The following RAB8A variants were observed in gnomAD, a reference collection of about 807,000 sequenced individuals.
The protein encoded by RAB8A is ras-related protein Rab-8A.
A neutral mutation model predicts 29.2 loss-of-function variants in RAB8A; 5 were observed. The ratio of observed to expected loss-of-function variants is 0.17; its 90% confidence interval spans 0.09 to 0.36. The LOEUF (loss-of-function observed/expected upper bound fraction) is 0.36. Among genes scored for constraint, RAB8A ranks in the 10% least tolerant of loss-of-function variants. The probability of loss-of-function intolerance (pLI) is 1.00; values close to 1 mark genes in which losing one functional copy is unlikely to be tolerated. For synonymous variants in RAB8A, 108 were observed against 99.9 expected, an observed-to-expected ratio of 1.08 and a Z score of -0.49; for missense variants, 171 against 272.2, an observed-to-expected ratio of 0.63 and a Z score of 2.62.
rs762022475 is a variant in RAB8A, at chr19:16,127,990, C to T, written c.415-36C>T. On this transcript the variant is annotated intron_variant, in intron 5 of 7. Coordinates refer to ENST00000300935, the MANE Select transcript of RAB8A (RefSeq NM_005370.5). The surrounding 1 kb of genome is among the most constrained non-coding windows in gnomAD (Gnocchi z 4.8). ...AGGCAAGCTCAGATGCGCCCGGCGGCTGGTGTGCTCATGCGTGTGCCTCCC... is the reference window on the plus strand; with the variant it reads ...AGGCAAGCTCAGATGCGCCCGGCGGTTGGTGTGCTCATGCGTGTGCCTCCC... 1.2e-6 allele frequency: 2 copies of T among 1,609,250 alleles called. No homozygotes were observed. Among genetic ancestry groups the T allele is most frequent in the South Asian group, 1.1e-5 (1 of 90,974 alleles).
At position 16,131,321 on chromosome 19, in the gene RAB8A, T is replaced by C. The variant is rs79829808; in HGVS notation, c.532-891T>C. ...AGATCTGTTTCTGAAAAACGAATTA[T>C]CAGTTGTAAGAGAATTGGATGGATG... is the stretch of plus-strand genomic sequence containing the variant. On this transcript the variant is annotated intron_variant, in intron 7 of 7. Coordinates refer to ENST00000300935, the MANE Select transcript of RAB8A (RefSeq NM_005370.5). Among the ~76,000 whole-genome samples, 326 of 152,270 alleles carry C rather than the reference T, an allele frequency of 2.1e-3. 3 individuals carry two copies. The highest frequency in any genetic ancestry group is 0.013 in the Admixed American group (195 of 15,294).
In RAB8A at chr19:16,121,743, T is replaced by C. The variant is rs1046052541; in HGVS notation, c.186-7T>C. ...ATGTTGCTAATATCCCTTCTCTTCA[T>C]GTTTAGGGACACAGCCGGTCAGGAA... On this transcript the variant is annotated splice_polypyrimidine_tract_variant and splice_region_variant and intron_variant, in intron 2 of 7. Transcript: ENST00000300935. 9 of 1,612,958 alleles carry C rather than the reference T, an allele frequency of 5.6e-6. 1 individual carries two copies. In the African/African-American group the frequency reaches 1.1e-4, roughly 19 times the overall value.
intron 6 of RAB8A, 126 bp from the exon 7 acceptor site, chr19:16,129,428 C>T (rs1023584881): frequency 2.4e-5 from 20 of 841,164 alleles, no homozygotes; most frequent in African/African-American, 1.0e-4. Flanking sequence ...CTGCCAGAGG[C>T]GGGCATCAAA....
intron 6 of RAB8A, among the ~76,000 whole-genome samples, chr19:16,128,433 C>T (rs374305448): frequency 1.7e-3 from 258 of 152,300 alleles, no homozygotes; most frequent in African/African-American, 5.7e-3. Flanking sequence ...CCACACCACT[C>T]ACCCTGGAGA....
chr19:16,127,548 G>T lies in RAB8A; in HGVS notation c.414+22G>T. The T allele has an allele frequency of 2.0e-6, 3 of 1,487,656 alleles. No individual in the cohort carries two copies. The highest frequency in any genetic ancestry group is 2.7e-6 in the Non-Finnish European group (3 of 1,112,334). 92.2% of individuals were successfully genotyped at this position (1,487,656 alleles called of 1,614,324 possible). On this transcript the variant is annotated intron_variant, in intron 5 of 7. Coordinates refer to ENST00000300935, the MANE Select transcript of RAB8A (RefSeq NM_005370.5). The surrounding 1 kb of genome is among the most constrained non-coding windows in gnomAD (Gnocchi z 4.8). ...AAAGGTGGGCATGGTGGCACAAGGG[G>T]CAGAGGGCCTCGGGGTCTTGGGGTT...
chr19:16,127,517 G>T lies in RAB8A; in HGVS notation c.405G>T (p.Arg135=). The T allele has an allele frequency of 6.5e-7, 1 of 1,536,596 alleles. No individual in the cohort carries two copies. Among genetic ancestry groups the T allele is most frequent in the Non-Finnish European group, 8.7e-7 (1 of 1,145,728 alleles). The change falls in exon 5 of 8, where the codon CGG becomes CGT. Residue 135 remains arginine, a synonymous_variant. Coordinates refer to ENST00000300935, the MANE Select transcript of RAB8A (RefSeq NM_005370.5). This position sits in a 1 kb window ranked among gnomAD's most constrained non-coding sequence, Gnocchi z 4.8. ...VNDKRQVSKE[R]GEKLALDYGI... ...ACAAGAGACAAGTTTCCAAGGAACG[G>T]GGAGAAAAGGTGGGCATGGTGGCAC...
intron 7 of RAB8A, among the ~76,000 whole-genome samples, chr19:16,130,564 C>T (rs2090920589): frequency 6.6e-6 from 1 of 152,122 alleles, no homozygotes; most frequent in Non-Finnish European, 1.5e-5. Flanking sequence ...GTGCACTGAC[C>T]AACAATAATT....
At chr19:16,116,534 C>A (rs115497746) in intron 1 of RAB8A, among the ~76,000 whole-genome samples, 2,011 of 152,270 alleles carry the variant, frequency 0.013, 47 homozygotes, top group African/African-American at 0.044. Context: ...CAAAAAGACA[C>A]CAACCCAAGG....
chr19:16,129,511 G>T, intron 6 of RAB8A, 43 bp from the exon 7 acceptor site: 1 of 1,602,610 alleles, frequency 6.2e-7, no homozygotes, highest in Non-Finnish European at 8.5e-7. Flanking sequence ...TGAGGACTCA[G>T]GGTCCTGCCA....
intron 1 of RAB8A, among the ~76,000 whole-genome samples, chr19:16,113,908 A>T (rs924813015): frequency 1.3e-5 from 2 of 152,108 alleles, no homozygotes; most frequent in African/African-American, 4.8e-5. Context: ...AGGGGTTGTC[A>T]CCACAACCAG....
Position 16,122,159 on chromosome 19 carries a change from C to T in RAB8A, c.246+349C>T, listed in dbSNP as rs1287040292. ...GCTGTCACATGACCTGCATCTGTCT[C>T]TGAAATTTGCTACCAAAAGCTTGAA... On this transcript the variant is annotated intron_variant, in intron 3 of 7. Transcript: ENST00000300935. The surrounding 1 kb of genome is among the most constrained non-coding windows in gnomAD (Gnocchi z 4.7). 4.7e-6 allele frequency: 1 copy of T among 211,222 alleles called. No individual in the cohort carries two copies. The highest frequency in any genetic ancestry group is 1.0e-4 in the East Asian group (1 of 9,754). The allele number at this position is 211,222 out of a possible 1,614,324, so 13.1% of individuals were successfully genotyped here. A position where few individuals can be genotyped will look rare whatever the true frequency, so the allele number is the denominator to read the frequency against.
chr19:16,121,936 G>A, intron 3 of RAB8A, 126 bp downstream of exon 3: 3 of 886,456 alleles, frequency 3.4e-6, no homozygotes, highest in Non-Finnish European at 5.4e-6. Flanking sequence ...AGGGCTCCTT[G>A]GTCCCAAGTT....
Position 16,113,355 on chromosome 19 carries a change from G to C in RAB8A, c.124+1330G>C, listed in dbSNP as rs540758851. Among the ~76,000 whole-genome samples the C allele has an allele frequency of 5.3e-5, 8 of 152,282 alleles. No homozygotes were observed. In the South Asian group the frequency reaches 1.7e-3, roughly 32 times the overall value. On this transcript the variant is annotated intron_variant, in intron 1 of 7. Coordinates refer to ENST00000300935, the MANE Select transcript of RAB8A (RefSeq NM_005370.5). ...ATCTCCCTGAACCCCAAGATAATGT[G>C]CTAATTCCATTCTTGCCCTCCTCCA...
At chr19:16,119,539 G>A (rs1210199055) in intron 2 of RAB8A, among the ~76,000 whole-genome samples, 3 of 152,008 alleles carry the variant, frequency 2.0e-5, no homozygotes, top group East Asian at 1.9e-4. Context: ...TTTGGGAGTC[G>A]GGTAGGTTTA....
chr19:16,128,467 C>G (rs1020844662), intron 6 of RAB8A, among the ~76,000 whole-genome samples: 7 of 152,174 alleles, frequency 4.6e-5, no homozygotes, highest in African/African-American at 1.7e-4. Flanking sequence ...AAAGCCCAGA[C>G]ATAGCAGGGA....
intron 1 of RAB8A, 69 bp downstream of exon 1, chr19:16,112,094 C>T (rs1369096561): frequency 1.9e-6 from 3 of 1,585,994 alleles, no homozygotes; most frequent in Non-Finnish European, 2.6e-6. Flanking sequence ...GGGGCTGGGG[C>T]TGAGGGATCT....
At position 16,128,015 on chromosome 19, in the gene RAB8A, C is replaced by G; in HGVS notation, c.415-11C>G. The G allele has an allele frequency of 1.9e-6, 3 of 1,614,108 alleles. No individual in the cohort carries two copies. In the East Asian group the frequency reaches 6.7e-5, roughly 36 times the overall value. The stretch of plus-strand genomic sequence containing the variant: ...CTGGTGTGCTCATGCGTGTGCCTCC[C>G]TCTCTCACAGCTGGCCCTCGACTAT... On this transcript the variant is annotated splice_polypyrimidine_tract_variant and intron_variant, in intron 5 of 7. Coordinates refer to ENST00000300935, the MANE Select transcript of RAB8A (RefSeq NM_005370.5).
chr19:16,115,581 G>T (rs975715688), intron 1 of RAB8A, among the ~76,000 whole-genome samples: 1 of 152,154 alleles, frequency 6.6e-6, no homozygotes, highest in African/African-American at 2.4e-5. Context: ...TTTGTGAACC[G>T]CTCAACACCG....
rs764686239 is a variant in RAB8A at position 16,127,983 on chromosome 19, C to T, written c.415-43C>T. On this transcript the variant is annotated intron_variant, in intron 5 of 7. Coordinates refer to ENST00000300935, the MANE Select transcript of RAB8A (RefSeq NM_005370.5). The surrounding 1 kb of genome is among the most constrained non-coding windows in gnomAD (Gnocchi z 4.8). ...CTGTTTTAGGCAAGCTCAGATGCGCCCGGCGGCTGGTGTGCTCATGCGTGT... is the reference window on the plus strand; with the variant it reads ...CTGTTTTAGGCAAGCTCAGATGCGCTCGGCGGCTGGTGTGCTCATGCGTGT... 5 of 1,603,814 alleles carry T rather than the reference C, an allele frequency of 3.1e-6. No individual in the cohort carries two copies. Among genetic ancestry groups the T allele is most frequent in the Admixed American group, 3.3e-5 (2 of 59,988 alleles).
Sources: allele counts gnomAD v4.1 joint callset (sites outside exome capture counted in the v4.1 genomes callset), GRCh38; gene constraint gnomAD v4.1.1; non-coding constraint Gnocchi (gnomAD v3.1); transcripts MANE v1.5; gene names NCBI Gene and HGNC (gene_info 2026-07-23, HGNC 2026-07-21).